CGNL1: variants seen among roughly 807,000 people sequenced by gnomAD.
The protein encoded by CGNL1 is cingulin-like protein 1.
CGNL1 carries 132 observed loss-of-function variants against 141.2 expected under a neutral mutation model. That is an observed-to-expected ratio of 0.93 (90% CI 0.81 to 1.08). The LOEUF (loss-of-function observed/expected upper bound fraction) is 1.08, where lower values mean the gene tolerates loss of function less well. CGNL1 is among the 50% of genes least tolerant of loss of function. CGNL1 has a pLI of 0.00. For missense variants in CGNL1, 1,870 were observed against 1,588.6 expected, an observed-to-expected ratio of 1.18 and a Z score of -3.01; for synonymous variants, 690 against 622.1, an observed-to-expected ratio of 1.11 and a Z score of -1.63.
At chr15:57,427,193 G>C (rs2062985364) in intron 1 of CGNL1, among the ~76,000 whole-genome samples, 1 of 152,210 alleles carries the variant, frequency 6.6e-6, no homozygotes, top group African/African-American at 2.4e-5. Context: ...CAGCTGTCTT[G>C]AACAACAACA....
chr15:57,468,567 TG>T (rs2063540801), intron 8 of CGNL1, among the ~76,000 whole-genome samples: 2 of 121,130 alleles, frequency 1.7e-5, no homozygotes, highest in Non-Finnish European at 4.1e-5. Flanking sequence ...TGCGTGTGTG[TG>T]TGTGTGTGTG....
At chr15:57,417,119 C>T (rs1299934973) in intron 1 of CGNL1, among the ~76,000 whole-genome samples, 2 of 152,206 alleles carry the variant, frequency 1.3e-5, no homozygotes, top group South Asian at 4.1e-4. Context: ...AGGTGTTTAA[C>T]ATAGTACTTA....
At chr15:57,527,400 C>G (rs1418904112) in intron 12 of CGNL1, 1 of 152,272 alleles carries the variant, frequency 6.6e-6, no homozygotes, top group Non-Finnish European at 1.5e-5. Flanking sequence ...TGGCCATTCA[C>G]TTTCATATAC....
intron 1 of CGNL1, among the ~76,000 whole-genome samples, chr15:57,398,708 G>T (rs926188360): frequency 6.6e-6 from 1 of 152,188 alleles, no homozygotes; most frequent in Non-Finnish European, 1.5e-5. Context: ...CAAACCGGCA[G>T]GTTGTTGGGA....
intron 1 of CGNL1, among the ~76,000 whole-genome samples, chr15:57,401,327 G>A (rs556558038): frequency 3.3e-5 from 5 of 152,074 alleles, no homozygotes; most frequent in Admixed American, 6.5e-5. Flanking sequence ...AGGGTTGGAC[G>A]GTGTATACAT....
intron 1 of CGNL1, among the ~76,000 whole-genome samples, chr15:57,418,618 A>C (rs1391467721): frequency 6.6e-6 from 1 of 152,056 alleles, no homozygotes; most frequent in Non-Finnish European, 1.5e-5. Flanking sequence ...ATAAATTATC[A>C]CCACATTGCT....
intron 8 of CGNL1, among the ~76,000 whole-genome samples, chr15:57,467,448 G>C (rs2063523577): frequency 6.6e-6 from 1 of 152,110 alleles, no homozygotes; most frequent in African/African-American, 2.4e-5. Context: ...TGAGATGTCT[G>C]GGCTGGGCTT....
At chr15:57,396,493 G>C (rs1275738933) in intron 1 of CGNL1, among the ~76,000 whole-genome samples, 2 of 151,844 alleles carry the variant, frequency 1.3e-5, no homozygotes, top group Admixed American at 1.3e-4. Flanking sequence ...GGCTGGTCTT[G>C]AGCTCCTAAC....
chr15:57,493,184 A>G (rs1567151701), intron 8 of CGNL1, among the ~76,000 whole-genome samples: 1 of 152,242 alleles, frequency 6.6e-6, no homozygotes, highest in Admixed American at 6.5e-5. Flanking sequence ...GTAAAGTTGA[A>G]TCATATTGAT....
intron 10 of CGNL1, among the ~76,000 whole-genome samples, chr15:57,522,818 A>G (rs777993285): frequency 6.6e-6 from 1 of 152,172 alleles, no homozygotes; most frequent in Non-Finnish European, 1.5e-5. Flanking sequence ...TTTGGTGCTG[A>G]TTCAATCAAC....
At chr15:57,535,969 C>T (rs2032236974) in intron 14 of CGNL1, among the ~76,000 whole-genome samples, 1 of 152,184 alleles carries the variant, frequency 6.6e-6, no homozygotes, top group Non-Finnish European at 1.5e-5. Context: ...AGTTCCCAGC[C>T]TGTATTAGTT....
intron 1 of CGNL1, among the ~76,000 whole-genome samples, chr15:57,391,943 C>T (rs960569388): frequency 7.1e-5 from 10 of 141,014 alleles, no homozygotes; most frequent in Admixed American, 4.3e-4. Context: ...TTTTTTTGTT[C>T]GCAAAAATAA....
At chr15:57,378,377 T>G (rs1003194848) in intron 1 of CGNL1, among the ~76,000 whole-genome samples, 61 of 108,538 alleles carry the variant, frequency 5.6e-4, no homozygotes, top group Non-Finnish European at 9.8e-4. Context: ...TTTTTTTTTT[T>G]TTTTTTTTTT....
chr15:57,380,794 G>A (rs1264218684), intron 1 of CGNL1, among the ~76,000 whole-genome samples: 1 of 152,204 alleles, frequency 6.6e-6, no homozygotes, highest in African/African-American at 2.4e-5. Flanking sequence ...GGAGAATGTG[G>A]CTGGATCCAT....
intron 8 of CGNL1, among the ~76,000 whole-genome samples, chr15:57,474,731 G>T (rs1225033021): frequency 6.6e-6 from 1 of 152,136 alleles, no homozygotes; most frequent in African/African-American, 2.4e-5. Context: ...ATATGTGCTT[G>T]TGCACATATG....
chr15:57,377,358 A>G (rs964826937), intron 1 of CGNL1, among the ~76,000 whole-genome samples: 1 of 152,156 alleles, frequency 6.6e-6, no homozygotes, highest in African/African-American at 2.4e-5. Flanking sequence ...GGAGAGTTTT[A>G]AAAAATACTG....
rs1303759080 is a variant in CGNL1 at position 57,550,494 on chromosome 15, A to G, written c.*3004A>G. ...AAAAACACATACATGGCCAAATGCA[A>G]TACTGAAGAGACAATCATCCTGTAT... is the stretch of plus-strand genomic sequence containing the variant. On this transcript the variant is annotated 3_prime_UTR_variant, in exon 19 of 19. Transcript: ENST00000281282. 3 of 152,688 alleles carry G rather than the reference A, an allele frequency of 2.0e-5. No individual in the cohort carries two copies. Among genetic ancestry groups the G allele is most frequent in the Admixed American group, 2.0e-4 (3 of 15,278 alleles). 9.5% of individuals were successfully genotyped at this position (152,688 alleles called of 1,614,324 possible).
At chr15:57,516,653 C>G (rs2030824193) in intron 8 of CGNL1, 127 bp from the exon 9 acceptor site, 3 of 976,440 alleles carry the variant, frequency 3.1e-6, no homozygotes, top group East Asian at 2.6e-5. Flanking sequence ...TTTGCCGACC[C>G]CTGGCTCAGC....
chr15:57,468,222 TC>T (rs1366510485), intron 8 of CGNL1, among the ~76,000 whole-genome samples: 7 of 141,140 alleles, frequency 5.0e-5, no homozygotes, highest in Admixed American at 8.0e-5. Context: ...CTTTTTCTTT[TC>T]TTTTCTTTTT....
Sources: gnomAD v4.1 joint callset for allele counts (sites outside exome capture counted in the v4.1 genomes callset) on GRCh38, gnomAD v4.1.1 for gene constraint, MANE v1.5 for transcripts, NCBI Gene and HGNC (gene_info 2026-07-23, HGNC 2026-07-21) for gene names.